Variants in TBC1D4 observed in about 807,000 individuals in gnomAD.
The protein encoded by TBC1D4 is TBC (Tre-2, BUB2, CDC16) domain-containing protein.
TBC1D4 carries 121 observed loss-of-function variants against 142.5 expected under a neutral mutation model. The ratio of observed to expected loss-of-function variants is 0.85; its 90% CI spans 0.73 to 0.99. The LOEUF is 0.99. TBC1D4 is among the 50% of genes least tolerant of loss of function. The probability of loss-of-function intolerance (pLI) is 0.00; values close to 1 mark genes in which losing one functional copy is unlikely to be tolerated. For synonymous variants in TBC1D4, 630 were observed against 628.2 expected (o/e 1.00, Z -0.04); for missense variants, 1,475 against 1,606.6 (o/e 0.92, Z 1.40).
At chr13:75,438,251 A>G (rs1016274838) in intron 1 of TBC1D4, among the ~76,000 whole-genome samples, 3 of 152,156 alleles carry the variant, frequency 2.0e-5, no homozygotes, top group African/African-American at 7.2e-5. Context: ...TGATAAAACA[A>G]TAAAGCAAAT....
At chr13:75,418,183 T>C (rs1370951914) in intron 1 of TBC1D4, among the ~76,000 whole-genome samples, 1 of 152,220 alleles carries the variant, frequency 6.6e-6, no homozygotes, top group Non-Finnish European at 1.5e-5. Flanking sequence ...GGTAATCTAA[T>C]TGCCAAAATT....
At chr13:75,338,959 A>C (rs1406879020) in intron 7 of TBC1D4, among the ~76,000 whole-genome samples, 1 of 152,184 alleles carries the variant, frequency 6.6e-6, no homozygotes, top group African/African-American at 2.4e-5. Flanking sequence ...ATGCCGCCTA[A>C]ATAGCTCTTC....
chr13:75,409,503 T>G (rs1885497631), intron 1 of TBC1D4, among the ~76,000 whole-genome samples: 1 of 152,298 alleles, frequency 6.6e-6, no homozygotes, highest in African/African-American at 2.4e-5. Flanking sequence ...TTTATTCACA[T>G]TAAAGGTTCC....
chr13:75,380,327 G>A (rs191170408), intron 1 of TBC1D4, among the ~76,000 whole-genome samples: 213 of 151,950 alleles, frequency 1.4e-3, no homozygotes, highest in African/African-American at 4.9e-3. Context: ...CAAAAAATTA[G>A]CCGGACATGG....
chr13:75,301,407 C>T (rs1172983322), intron 16 of TBC1D4, among the ~76,000 whole-genome samples: 3 of 151,922 alleles, frequency 2.0e-5, no homozygotes, highest in Non-Finnish European at 2.9e-5. Flanking sequence ...TCTGGGAGGC[C>T]GAGGCGGGTG....
intron 14 of TBC1D4, among the ~76,000 whole-genome samples, chr13:75,308,217 T>A (rs992525716): frequency 6.6e-6 from 1 of 152,258 alleles, no homozygotes; most frequent in Non-Finnish European, 1.5e-5. Flanking sequence ...AGAGAACCGA[T>A]GAAGGTTTCT....
chr13:75,442,370 G>T (rs1399695954), intron 1 of TBC1D4, among the ~76,000 whole-genome samples: 1 of 152,100 alleles, frequency 6.6e-6, no homozygotes, highest in Non-Finnish European at 1.5e-5. Context: ...TTATTATGAT[G>T]ATTATTTTTA....
At chr13:75,334,470 A>G (rs1310736089) in intron 8 of TBC1D4, among the ~76,000 whole-genome samples, 1 of 66,800 alleles carries the variant, frequency 1.5e-5, no homozygotes, top group African/African-American at 3.7e-5. Flanking sequence ...TTGTATATAT[A>G]ATATGTCTAT....
intron 8 of TBC1D4, among the ~76,000 whole-genome samples, chr13:75,332,080 A>G (rs1414696778): frequency 6.6e-6 from 1 of 152,226 alleles, no homozygotes; most frequent in Non-Finnish European, 1.5e-5. Flanking sequence ...TGAAAATGTC[A>G]TTACAGCAAT....
chr13:75,395,417 C>T (rs1006240140), intron 1 of TBC1D4, among the ~76,000 whole-genome samples: 4 of 152,184 alleles, frequency 2.6e-5, no homozygotes, highest in African/African-American at 9.7e-5. Flanking sequence ...ATTCCTCCAA[C>T]GTTCTAATAC....
chr13:75,296,582 G>C (rs181444550), intron 17 of TBC1D4, among the ~76,000 whole-genome samples: 2 of 152,210 alleles, frequency 1.3e-5, no homozygotes, highest in Admixed American at 1.3e-4. Flanking sequence ...AAGCTTTAAT[G>C]ATAAAATTCT....
intron 5 of TBC1D4, among the ~76,000 whole-genome samples, chr13:75,348,049 G>A (rs772196076): frequency 5.9e-5 from 9 of 152,254 alleles, no homozygotes; most frequent in Non-Finnish European, 7.4e-5. Context: ...GCTGAGGCAG[G>A]AGGATTGCTT....
intron 1 of TBC1D4, among the ~76,000 whole-genome samples, chr13:75,466,282 G>A (rs558914798): frequency 1.3e-5 from 2 of 152,252 alleles, no homozygotes; most frequent in South Asian, 2.1e-4. Context: ...TTTTAAGACC[G>A]ATTACAGTGA....
chr13:75,481,657 C>A lies in TBC1D4; in HGVS notation c.111G>T (p.Arg37=). Residue 37 remains arginine, a synonymous_variant, in exon 1 of 21, where the codon CGG becomes CGT. Coordinates refer to ENST00000377636, the MANE Select transcript of TBC1D4 (RefSeq NM_014832.5). The part of the protein sequence containing the change: ...GPGKPSDKRF[R]LWYVGGSCLD... Reference sequence around the variant, plus strand: ...GGCACGACCCCCCAACGTACCACAGCCGGAACCGCTTATCGCTTGGCTTCC... The same window carrying A: ...GGCACGACCCCCCAACGTACCACAGACGGAACCGCTTATCGCTTGGCTTCC... 6.2e-7 allele frequency: 1 copy of A among 1,602,700 alleles called. No individual in the cohort carries two copies. The highest frequency in any genetic ancestry group is 8.5e-7 in the Non-Finnish European group (1 of 1,174,774).
chr13:75,351,526 G>A (rs146123603), intron 4 of TBC1D4, among the ~76,000 whole-genome samples: 4,138 of 151,620 alleles, frequency 0.027, 127 homozygotes, highest in Admixed American at 0.081. Context: ...CCATTAACTC[G>A]TCATTTAGCA....
At chr13:75,327,317 A>G (rs1281666582) in intron 9 of TBC1D4, among the ~76,000 whole-genome samples, 1 of 152,236 alleles carries the variant, frequency 6.6e-6, no homozygotes, top group Non-Finnish European at 1.5e-5. Context: ...CTACGCAGGA[A>G]ACAGGAAACC....
chr13:75,303,231 C>T (rs1468584044), intron 15 of TBC1D4, among the ~76,000 whole-genome samples: 6 of 151,916 alleles, frequency 3.9e-5, no homozygotes, highest in African/African-American at 1.2e-4. Context: ...GTAGGAGAAT[C>T]GTTTGAACCT....
At chr13:75,329,940 G>A in intron 8 of TBC1D4, among the ~76,000 whole-genome samples, 1 of 152,182 alleles carries the variant, frequency 6.6e-6, no homozygotes, top group East Asian at 1.9e-4. Flanking sequence ...CTTTGGCATT[G>A]TGAAATTTCA....
In TBC1D4 at chr13:75,324,235, A is replaced by C. The variant is rs201722427; in HGVS notation, c.2198+2T>G. The stretch of plus-strand genomic sequence containing the variant: ...TTTGCAAACAGAGGACACTGATCTC[A>C]CCTGATTTCATTTTCATACTGTGGG... On this transcript the variant is annotated splice_donor_variant, in intron 11 of 20. Transcript: ENST00000377636. LOFTEE classifies it high-confidence loss of function. 3.1e-4 allele frequency: 496 copies of C among 1,613,788 alleles called. 1 individual carries two copies. The African/African-American group carries it at 6.1e-3, about 20-fold the overall frequency.
Sources: gnomAD v4.1 joint callset for allele counts (sites outside exome capture counted in the v4.1 genomes callset) on GRCh38, gnomAD v4.1.1 for gene constraint, MANE v1.5 for transcripts, NCBI Gene and HGNC (gene_info 2026-07-23, HGNC 2026-07-21) for gene names.